PRELID2: variants seen among roughly 807,000 people sequenced by gnomAD.
PRELID2 encodes PRELI domain containing 2.
Under a neutral mutation model 28.4 loss-of-function variants are expected in PRELID2, and 25 were observed. The observed-to-expected ratio is 0.88, with a 90% CI of 0.64 to 1.23. PRELID2 has a LOEUF of 1.23. Ranked by LOEUF, PRELID2 falls within the 50% of genes most tolerant of loss-of-function variation. The pLI is 0.00. For synonymous variants in PRELID2, 76 were observed against 71.6 expected (o/e 1.06, Z -0.31); for missense variants, 201 against 214.4 (o/e 0.94, Z 0.39).
chr5:145,332,869 C>T, the PRELID2 span, among the ~76,000 whole-genome samples: 2 of 152,138 alleles, frequency 1.3e-5, no homozygotes, highest in East Asian at 1.9e-4. Context: ...GAATTTTCAG[C>T]CTTTTTGCAC....
chr5:145,488,369 C>T (rs143315615), intron 1 of PRELID2, among the ~76,000 whole-genome samples: 1,880 of 152,168 alleles, frequency 0.012, 36 homozygotes, highest in African/African-American at 0.042. Context: ...ACTGCAAGGC[C>T]CTCACTCCTG....
intron 1 of PRELID2, among the ~76,000 whole-genome samples, chr5:145,650,531 CATATATATATATATATATATATATAT>C (rs56324486): frequency 0.058 from 4,012 of 68,844 alleles, 257 homozygotes; most frequent in African/African-American, 0.18. Context: ...CACATATATA[CATATATATATATATATATATATATAT>C]ATATATATAT....
intron 1 of PRELID2, among the ~76,000 whole-genome samples, chr5:145,494,868 T>A (rs928435047): frequency 6.6e-6 from 1 of 152,198 alleles, no homozygotes; most frequent in African/African-American, 2.4e-5. Flanking sequence ...AGTCACATTT[T>A]AAGCTCAGCC....
At chr5:145,311,514 G>A in the PRELID2 span, among the ~76,000 whole-genome samples, 1 of 152,194 alleles carries the variant, frequency 6.6e-6, no homozygotes, top group Non-Finnish European at 1.5e-5. Flanking sequence ...TCTGGACCCT[G>A]TTGGCTGGTT....
chr5:145,799,348 C>T (rs1275950899), intron 4 of PRELID2, among the ~76,000 whole-genome samples: 2 of 151,986 alleles, frequency 1.3e-5, no homozygotes, highest in Non-Finnish European at 2.9e-5. Context: ...ATCACCACTA[C>T]AGATTTGGAT....
At chr5:145,588,039 G>A (rs1204106069) in intron 1 of PRELID2, among the ~76,000 whole-genome samples, 1 of 152,120 alleles carries the variant, frequency 6.6e-6, no homozygotes, top group Non-Finnish European at 1.5e-5. Flanking sequence ...CATGCTGCCA[G>A]ATGAAGCAAG....
chr5:145,699,671 C>A (rs1755363404), intron 1 of PRELID2, among the ~76,000 whole-genome samples: 1 of 152,192 alleles, frequency 6.6e-6, no homozygotes, highest in South Asian at 2.1e-4. Flanking sequence ...TATGATTTTG[C>A]TTTAAGATTT....
At chr5:145,281,663 A>G in the PRELID2 span, among the ~76,000 whole-genome samples, 1 of 152,230 alleles carries the variant, frequency 6.6e-6, no homozygotes, top group Non-Finnish European at 1.5e-5. Flanking sequence ...CAGAGATAAC[A>G]TGTCTGCTCT....
At chr5:145,237,023 C>A in the PRELID2 span, among the ~76,000 whole-genome samples, 1 of 152,124 alleles carries the variant, frequency 6.6e-6, no homozygotes, top group Non-Finnish European at 1.5e-5. Context: ...ATGTGAGGAA[C>A]TTGACATACA....
At chr5:145,550,962 C>G (rs957689420) in intron 1 of PRELID2, among the ~76,000 whole-genome samples, 2 of 152,124 alleles carry the variant, frequency 1.3e-5, no homozygotes, top group Non-Finnish European at 2.9e-5. Flanking sequence ...ATTGTCGTGA[C>G]TACATAACTC....
At chr5:145,427,472 A>G in the PRELID2 span, among the ~76,000 whole-genome samples, 7 of 152,262 alleles carry the variant, frequency 4.6e-5, no homozygotes, top group Admixed American at 6.5e-5. Flanking sequence ...TTTTAAACAT[A>G]CCCCTTGGAA....
At chr5:145,725,276 T>C (rs959179032) in intron 1 of PRELID2, among the ~76,000 whole-genome samples, 2 of 152,126 alleles carry the variant, frequency 1.3e-5, no homozygotes, top group African/African-American at 4.8e-5. Context: ...TAAATTCACA[T>C]TTAAAAAACA....
the PRELID2 span, among the ~76,000 whole-genome samples, chr5:145,399,952 C>A: frequency 7.8e-3 from 1,189 of 152,248 alleles, 13 homozygotes; most frequent in African/African-American, 0.026. Flanking sequence ...CAATTACCTC[C>A]CACTCGGTAC....
At chr5:145,303,142 A>G in the PRELID2 span, among the ~76,000 whole-genome samples, 1 of 152,182 alleles carries the variant, frequency 6.6e-6, no homozygotes, top group Non-Finnish European at 1.5e-5. Flanking sequence ...ATAACTACTT[A>G]TAATGTCATC....
chr5:145,425,417 A>G, the PRELID2 span, among the ~76,000 whole-genome samples: 1 of 152,218 alleles, frequency 6.6e-6, no homozygotes, highest in African/African-American at 2.4e-5. Context: ...ATATACCCAA[A>G]GGAATATAAA....
At chr5:145,776,345 C>A (rs990384) in intron 5 of PRELID2, among the ~76,000 whole-genome samples, 10,417 of 152,180 alleles carry the variant, frequency 0.068, 820 homozygotes, top group African/African-American at 0.19. Flanking sequence ...TCAAGTAACT[C>A]TTATTTTACT....
the PRELID2 span, among the ~76,000 whole-genome samples, chr5:145,413,651 CACAT>C: frequency 7.5e-6 from 1 of 133,120 alleles, no homozygotes; most frequent in Non-Finnish European, 1.6e-5. Context: ...CACACACACA[CACAT>C]TATTTATTAT....
intron 1 of PRELID2, among the ~76,000 whole-genome samples, chr5:145,523,568 G>A (rs1752581637): frequency 6.6e-6 from 1 of 152,086 alleles, no homozygotes; most frequent in African/African-American, 2.4e-5. Context: ...CTTCTTAGCT[G>A]GTAGGTGGCC....
rs538025357 is a variant in PRELID2, at chr5:145,627,547, A to G, written n.70+137384T>C. On this transcript the variant is annotated intron_variant and non_coding_transcript_variant, in intron 1 of 2. Transcript: ENST00000510259. ...ACCATCTCTCACAACTGCCAACCCT[A>G]CTTTCCTAGTCCATACCACACCACC... 3.9e-5 allele frequency among the ~76,000 whole-genome samples: 6 copies of G among 152,294 alleles called. No homozygotes were observed. In the South Asian group the frequency reaches 1.2e-3, roughly 32 times the overall value.
Sources: gnomAD v4.1 joint callset for allele counts (sites outside exome capture counted in the v4.1 genomes callset) on GRCh38, gnomAD v4.1.1 for gene constraint, MANE v1.5 for transcripts, NCBI Gene and HGNC (gene_info 2026-07-23, HGNC 2026-07-21) for gene names.